TBC1D8: variants seen among roughly 807,000 people sequenced by gnomAD.
TBC1D8 encodes TBC1 domain family member 8.
TBC1D8 carries 65 observed loss-of-function variants against 118.8 expected under a neutral mutation model. That is an observed-to-expected ratio of 0.55 (90% confidence interval 0.45 to 0.67). The LOEUF is 0.67. TBC1D8 is among the 30% of genes least tolerant of loss of function. TBC1D8 has a pLI of 0.00. For synonymous variants in TBC1D8, 566 were observed against 595.8 expected (o/e 0.95, Z 0.73); for missense variants, 1,376 against 1,471.2 (o/e 0.94, Z 1.06).
chr2:101,012,254 A>G (rs764688636), intron 17 of TBC1D8, among the ~76,000 whole-genome samples: 16 of 152,222 alleles, frequency 1.1e-4, no homozygotes, highest in Admixed American at 1.0e-3. Flanking sequence ...ACTTGTACAC[A>G]GATTGTTCAC....
chr2:101,010,813 T>C (rs1429718481), intron 19 of TBC1D8, 116 bp downstream of exon 19: 8 of 759,330 alleles, frequency 1.1e-5, no homozygotes, highest in Non-Finnish European at 1.5e-5. Context: ...ACCCTGGAGG[T>C]GGAGGTTGCA....
chr2:101,029,867 CAA>C, intron 11 of TBC1D8, 91 bp from the exon 12 acceptor site: 1 of 1,361,588 alleles, frequency 7.3e-7, no homozygotes, highest in Non-Finnish European at 1.0e-6. Flanking sequence ...GTAACCAGAA[CAA>C]AGAGATGGAA....
intron 3 of TBC1D8, among the ~76,000 whole-genome samples, chr2:101,055,681 T>C (rs750033778): frequency 3.3e-5 from 5 of 152,184 alleles, no homozygotes; most frequent in Non-Finnish European, 7.3e-5. Flanking sequence ...TTGTTCCTAA[T>C]TGACAACTCA....
At chr2:101,026,535 G>C (rs1445448433) in intron 15 of TBC1D8, among the ~76,000 whole-genome samples, 1 of 152,140 alleles carries the variant, frequency 6.6e-6, no homozygotes, top group Non-Finnish European at 1.5e-5. Flanking sequence ...CAAAGCCCTG[G>C]ACTCTGCTGA....
At chr2:101,066,373 GAA>G (rs1366538807) in intron 2 of TBC1D8, among the ~76,000 whole-genome samples, 1 of 151,960 alleles carries the variant, frequency 6.6e-6, no homozygotes, top group African/African-American at 2.4e-5. Flanking sequence ...AAGCCAAATG[GAA>G]GACATTTAAA....
chr2:101,139,014 A>G (rs1478317354), intron 1 of TBC1D8, among the ~76,000 whole-genome samples: 1 of 152,192 alleles, frequency 6.6e-6, no homozygotes, highest in Non-Finnish European at 1.5e-5. Flanking sequence ...TGTGCCAGGA[A>G]CAAGAAGCAG....
intron 2 of TBC1D8, among the ~76,000 whole-genome samples, chr2:101,069,560 T>G (rs1683198031): frequency 1.3e-5 from 2 of 152,210 alleles, no homozygotes; most frequent in Non-Finnish European, 2.9e-5. Context: ...CACTCCGGCC[T>G]GGGCAACAAG....
intron 17 of TBC1D8, chr2:101,018,913 T>C (rs1417104721): frequency 1.3e-6 from 2 of 1,535,718 alleles, no homozygotes; most frequent in East Asian, 2.4e-5. Flanking sequence ...CAGTGAAAAC[T>C]GTTGATGTCC....
chr2:101,023,807 G>A (rs935713719), intron 15 of TBC1D8: 1 of 258,326 alleles, frequency 3.9e-6, no homozygotes, highest in Admixed American at 5.8e-5. Flanking sequence ...TAACTGCAGG[G>A]TTCTTGACCA....
Position 101,127,746 on chromosome 2 carries a change from A to G in TBC1D8, c.127+23381T>C, listed in dbSNP as rs567607033. On this transcript the variant is annotated intron_variant, in intron 1 of 19. Transcript: ENST00000409318. ...ATGAGAAATCAGAGAGATGAGTCCA[A>G]CCTCCTCATTGGATAGGTGAGGAAC... Among the ~76,000 whole-genome samples the G allele has an allele frequency of 4.8e-3, 733 of 151,758 alleles. 2 individuals are homozygous for G. The highest frequency in any genetic ancestry group is 8.3e-3 in the Non-Finnish European group (562 of 67,904).
chr2:101,059,489 G>T lies in TBC1D8; in HGVS notation c.334C>A (p.Leu112Ile). 1 of 1,613,934 alleles carries T rather than the reference G, an allele frequency of 6.2e-7. No homozygotes were observed. The highest frequency in any genetic ancestry group is 8.5e-7 in the Non-Finnish European group (1 of 1,179,858). Residue 112 changes from leucine (L) to isoleucine (I), a missense_variant, in exon 3 of 20, where the codon CTC becomes ATC. Leu to Ile is a conservative substitution (Grantham distance 5, BLOSUM62 2). Coordinates refer to ENST00000409318, the MANE Select transcript of TBC1D8 (RefSeq NM_001330348.2). ...NQHWDWLEQN[L>I]LHTLSVFDNK... ...TCAAAGACAGACAAGGTGTGGAGGA[G>T]ATTTTGTTCCAGCCAGTCCCAGTGC...
At position 101,092,131 on chromosome 2, in the gene TBC1D8, C is replaced by T. The variant is rs376722894; in HGVS notation, c.128-1767G>A. 4.6e-5 allele frequency among the ~76,000 whole-genome samples: 7 copies of T among 152,356 alleles called. No individual in the cohort carries two copies. In the East Asian group the frequency reaches 1.3e-3, roughly 29 times the overall value. The stretch of plus-strand genomic sequence containing the variant: ...CCAGTTCAGAATCACATTCAGTTGT[C>T]AAGTCTCTTTGGACTACGTGGGTCT... On this transcript the variant is annotated intron_variant, in intron 1 of 19. Transcript: ENST00000409318.
chr2:101,062,734 C>T (rs758556839), intron 2 of TBC1D8, among the ~76,000 whole-genome samples: 7 of 152,270 alleles, frequency 4.6e-5, no homozygotes, highest in Non-Finnish European at 1.0e-4. Context: ...CTCTGCCTCC[C>T]GGGTTCAAGT....
At chr2:101,068,729 T>C in intron 2 of TBC1D8, 1 of 287,914 alleles carries the variant, frequency 3.5e-6, no homozygotes, top group Non-Finnish European at 6.4e-6. Context: ...CTGTATGTGG[T>C]GGCTCATGCC....
At chr2:101,043,760 T>A (rs1372050570) in intron 5 of TBC1D8, among the ~76,000 whole-genome samples, 1 of 151,898 alleles carries the variant, frequency 6.6e-6, no homozygotes, top group Non-Finnish European at 1.5e-5. Context: ...GCCAACATGG[T>A]GAAACCCCGC....
chr2:101,058,445 A>T (rs1682565827), intron 3 of TBC1D8, among the ~76,000 whole-genome samples: 1 of 152,222 alleles, frequency 6.6e-6, no homozygotes, highest in African/African-American at 2.4e-5. Context: ...GGAAAACTGT[A>T]TCATACGCTA....
chr2:101,059,561 TAC>T (rs1298659262), intron 2 of TBC1D8, 22 bp from the exon 3 acceptor site: 2 of 1,560,190 alleles, frequency 1.3e-6, no homozygotes, highest in Non-Finnish European at 1.8e-6. Flanking sequence ...CAGAAAAAGA[TAC>T]AGAGATTAAA....
At chr2:101,014,037 C>T (rs1662829493) in intron 17 of TBC1D8, among the ~76,000 whole-genome samples, 1 of 152,146 alleles carries the variant, frequency 6.6e-6, no homozygotes, top group African/African-American at 2.4e-5. Flanking sequence ...CAAGGATCTA[C>T]TGTAAGAAAA....
At chr2:101,128,462 G>A (rs1678446599) in intron 1 of TBC1D8, among the ~76,000 whole-genome samples, 1 of 152,170 alleles carries the variant, frequency 6.6e-6, no homozygotes. Flanking sequence ...AGCAAATTCA[G>A]TACAATGCTA....
Sources: allele counts gnomAD v4.1 joint callset (sites outside exome capture counted in the v4.1 genomes callset), GRCh38; gene constraint gnomAD v4.1.1; transcripts MANE v1.5; gene names NCBI Gene and HGNC (gene_info 2026-07-23, HGNC 2026-07-21).